CDK8: variants seen among roughly 807,000 people sequenced by gnomAD.
The protein encoded by CDK8 is cyclin-dependent kinase 8.
Under a neutral mutation model 71.5 loss-of-function variants are expected in CDK8, and 29 were observed. The observed-to-expected ratio is 0.41, with a 90% confidence interval of 0.30 to 0.55. CDK8 has a LOEUF of 0.55. Among genes scored for constraint, CDK8 ranks in the 20% least tolerant of loss-of-function variants. The pLI, the probability that CDK8 is intolerant of heterozygous loss-of-function variation, is 0.37. For synonymous variants in CDK8, 161 were observed against 192.1 expected (o/e 0.84, Z 1.34); for missense variants, 288 against 572.6 (o/e 0.50, Z 5.07).
chr13:26,382,200 G>T (rs1261221489), intron 4 of CDK8, among the ~76,000 whole-genome samples: 1 of 152,082 alleles, frequency 6.6e-6, no homozygotes. Context: ...ATATTTTAAA[G>T]ATTTAAAAAC....
rs73491122 is a variant in CDK8 at position 26,327,385 on chromosome 13, A to C, written c.129-10182A>C. 2.2e-3 allele frequency among the ~76,000 whole-genome samples: 335 copies of C among 152,254 alleles called. 3 individuals are homozygous for C. Among genetic ancestry groups the C allele is most frequent in the African/African-American group, 7.3e-3 (304 of 41,540 alleles). On this transcript the variant is annotated intron_variant, in intron 1 of 12. Transcript: ENST00000381527. ...ATGTTACCTCCTGGCCATTCCAGAAAATTTAAGGATGTTTTAGGCGTAAAA... is the reference window on the plus strand; with the variant it reads ...ATGTTACCTCCTGGCCATTCCAGAACATTTAAGGATGTTTTAGGCGTAAAA...
chr13:26,296,623 G>T (rs1873573565), intron 1 of CDK8, among the ~76,000 whole-genome samples: 1 of 152,286 alleles, frequency 6.6e-6, no homozygotes, highest in Non-Finnish European at 1.5e-5. Flanking sequence ...GCAAGTAGTA[G>T]CTAGTAGACT....
intron 1 of CDK8, among the ~76,000 whole-genome samples, chr13:26,267,401 C>A (rs949793362): frequency 5.9e-5 from 9 of 152,150 alleles, no homozygotes; most frequent in African/African-American, 2.2e-4. Context: ...ATAAGAGTAC[C>A]CAGGAAAATC....
intron 4 of CDK8, among the ~76,000 whole-genome samples, chr13:26,362,352 G>A (rs1016936320): frequency 4.6e-5 from 7 of 152,122 alleles, no homozygotes; most frequent in African/African-American, 1.7e-4. Flanking sequence ...TATGCCAACT[G>A]CCAGCTGAAG....
chr13:26,278,515 C>G (rs556988029), intron 1 of CDK8, among the ~76,000 whole-genome samples: 1 of 152,194 alleles, frequency 6.6e-6, no homozygotes, highest in Admixed American at 6.5e-5. Flanking sequence ...TAATTGACTC[C>G]ACAGTGGCAG....
intron 4 of CDK8, among the ~76,000 whole-genome samples, chr13:26,366,510 G>A (rs1416143988): frequency 6.6e-6 from 1 of 151,884 alleles, no homozygotes; most frequent in Non-Finnish European, 1.5e-5. Context: ...AATACAACTG[G>A]ATTTTACCTT....
At chr13:26,343,298 AT>A (rs1565979688) in intron 2 of CDK8, among the ~76,000 whole-genome samples, 1 of 152,120 alleles carries the variant, frequency 6.6e-6, no homozygotes, top group Non-Finnish European at 1.5e-5. Flanking sequence ...GCTATACCGA[AT>A]ACTATAGGCA....
intron 1 of CDK8, among the ~76,000 whole-genome samples, chr13:26,291,578 T>C (rs1319742338): frequency 6.6e-6 from 1 of 152,060 alleles, no homozygotes; most frequent in East Asian, 1.9e-4. Context: ...CTGGGCCCAA[T>C]TCTCCCTACC....
intron 4 of CDK8, among the ~76,000 whole-genome samples, chr13:26,366,274 A>T (rs563605549): frequency 6.6e-6 from 1 of 152,250 alleles, no homozygotes; most frequent in South Asian, 2.1e-4. Context: ...AAGTCTTCCT[A>T]CAGAAACAAG....
At chr13:26,359,011 A>G in intron 4 of CDK8, 1 of 301,692 alleles carries the variant, frequency 3.3e-6, no homozygotes, top group Non-Finnish European at 6.6e-6. Context: ...TGGGCAACAG[A>G]GTAAGACTCT....
chr13:26,290,383 A>G (rs905857812), intron 1 of CDK8, among the ~76,000 whole-genome samples: 2 of 152,230 alleles, frequency 1.3e-5, no homozygotes, highest in Non-Finnish European at 2.9e-5. Context: ...TCAACAAGTG[A>G]AAGAGTGGGG....
chr13:26,274,653 ATTC>A (rs1407332963), intron 1 of CDK8, among the ~76,000 whole-genome samples: 3 of 151,966 alleles, frequency 2.0e-5, no homozygotes, highest in Non-Finnish European at 4.4e-5. Context: ...GGATGGTCTC[ATTC>A]TCCTGACCTC....
At chr13:26,379,390 G>A (rs1329817250) in intron 4 of CDK8, among the ~76,000 whole-genome samples, 5 of 152,094 alleles carry the variant, frequency 3.3e-5, no homozygotes, top group Admixed American at 6.5e-5. Context: ...ATACTAGGTC[G>A]GACCTTGACA....
intron 4 of CDK8, among the ~76,000 whole-genome samples, chr13:26,362,196 A>AGAT (rs1201141222): frequency 6.6e-6 from 1 of 151,542 alleles, no homozygotes; most frequent in Non-Finnish European, 1.5e-5. Flanking sequence ...ATAGATAGGT[A>AGAT]GATGTATGTG....
intron 1 of CDK8, among the ~76,000 whole-genome samples, chr13:26,318,243 A>G (rs1874603394): frequency 6.6e-6 from 1 of 152,154 alleles, no homozygotes; most frequent in Non-Finnish European, 1.5e-5. Flanking sequence ...AATCATGAAG[A>G]AATAGAAAAT....
At chr13:26,289,921 T>C (rs1276617635) in intron 1 of CDK8, among the ~76,000 whole-genome samples, 1 of 152,240 alleles carries the variant, frequency 6.6e-6, no homozygotes, top group African/African-American at 2.4e-5. Context: ...CCTAAGATCT[T>C]TCTACTGTGA....
chr13:26,355,286 T>G (rs985850958), intron 4 of CDK8, among the ~76,000 whole-genome samples: 1 of 152,236 alleles, frequency 6.6e-6, no homozygotes, highest in Non-Finnish European at 1.5e-5. Flanking sequence ...ATGCAAACTT[T>G]TATTTTTAAT....
intron 6 of CDK8, among the ~76,000 whole-genome samples, chr13:26,390,938 T>C (rs1875714701): frequency 6.6e-6 from 1 of 151,824 alleles, no homozygotes; most frequent in Non-Finnish European, 1.5e-5. Flanking sequence ...TGGAAAGCCA[T>C]TTTATAAGGA....
intron 1 of CDK8, among the ~76,000 whole-genome samples, chr13:26,288,709 C>A (rs1873146224): frequency 6.6e-6 from 1 of 151,934 alleles, no homozygotes; most frequent in Admixed American, 6.6e-5. Flanking sequence ...AACCCATGAA[C>A]ATGGTATAAC....
Sources: allele counts gnomAD v4.1 joint callset (sites outside exome capture counted in the v4.1 genomes callset), GRCh38; gene constraint gnomAD v4.1.1; transcripts MANE v1.5; gene names NCBI Gene and HGNC (gene_info 2026-07-23, HGNC 2026-07-21).